Variants in DENND4A observed in about 807,000 individuals in gnomAD.
DENND4A encodes DENN domain containing 4A.
Under a neutral mutation model 199.3 loss-of-function variants are expected in DENND4A, and 70 were observed. The observed-to-expected ratio is 0.35, with a 90% confidence interval of 0.29 to 0.43. The LOEUF (loss-of-function observed/expected upper bound fraction) is 0.43. Among genes scored for constraint, DENND4A ranks in the 20% least tolerant of loss-of-function variants. DENND4A has a pLI of 1.00. For missense variants in DENND4A, 1,723 were observed against 2,255.8 expected (o/e 0.76, Z 4.78); for synonymous variants, 686 against 766.9 (o/e 0.89, Z 1.74).
At chr15:65,685,277 G>C (rs8032745) in intron 23 of DENND4A, among the ~76,000 whole-genome samples, 87,003 of 151,948 alleles carry the variant, frequency 0.57, 27,872 homozygotes, top group African/African-American at 0.87. Flanking sequence ...CAGGCGCCTG[G>C]CACCGTGCCC....
At chr15:65,781,453 C>T (rs2077434658) in intron 1 of DENND4A, among the ~76,000 whole-genome samples, 1 of 152,088 alleles carries the variant, frequency 6.6e-6, no homozygotes. Context: ...CCTAATAACG[C>T]AGAAGTTGGA....
intron 23 of DENND4A, among the ~76,000 whole-genome samples, chr15:65,688,052 T>C (rs1411410163): frequency 2.0e-5 from 3 of 152,196 alleles, no homozygotes; most frequent in South Asian, 2.1e-4. Context: ...CCTTTTGATA[T>C]TGTCACACAA....
intron 14 of DENND4A, among the ~76,000 whole-genome samples, chr15:65,711,634 A>G (rs937874688): frequency 6.6e-6 from 1 of 152,238 alleles, no homozygotes; most frequent in Non-Finnish European, 1.5e-5. Context: ...CCCCAAAACA[A>G]TCTACTTTCT....
chr15:65,664,416 GA>G (rs1203808052), intron 31 of DENND4A, 22 bp from the exon 32 acceptor site: 2 of 1,559,078 alleles, frequency 1.3e-6, no homozygotes, highest in East Asian at 4.5e-5. Flanking sequence ...AAGTCATGGA[GA>G]AAATATTAGT....
At chr15:65,785,137 A>AC (rs1252621494) in intron 1 of DENND4A, among the ~76,000 whole-genome samples, 1 of 151,884 alleles carries the variant, frequency 6.6e-6, no homozygotes, top group Non-Finnish European at 1.5e-5. Flanking sequence ...AAAAAAAAAA[A>AC]ATCCACATGG....
intron 7 of DENND4A, among the ~76,000 whole-genome samples, chr15:65,734,508 G>A (rs538653012): frequency 2.8e-4 from 43 of 152,110 alleles, no homozygotes; most frequent in East Asian, 1.9e-4. Flanking sequence ...CTGGTTCCCC[G>A]GGTCCCCTTA....
chr15:65,788,610 C>T (rs1030662465), intron 1 of DENND4A, among the ~76,000 whole-genome samples: 6 of 151,948 alleles, frequency 3.9e-5, no homozygotes, highest in Non-Finnish European at 5.9e-5. Context: ...GTAATCACAG[C>T]ACTTTGGGAG....
chr15:65,677,220 AT>A (rs1292980972), intron 23 of DENND4A, among the ~76,000 whole-genome samples: 1 of 151,540 alleles, frequency 6.6e-6, no homozygotes, highest in Non-Finnish European at 1.5e-5. Context: ...TAGGGCAAAA[AT>A]TTTTTTTTGA....
chr15:65,756,785 C>T (rs749294837), intron 2 of DENND4A, among the ~76,000 whole-genome samples: 7 of 152,186 alleles, frequency 4.6e-5, no homozygotes, highest in Non-Finnish European at 7.4e-5. Flanking sequence ...CCTGTAATCC[C>T]AGCACTTTGG....
At chr15:65,749,660 A>G (rs1231946436) in intron 4 of DENND4A, among the ~76,000 whole-genome samples, 1 of 151,836 alleles carries the variant, frequency 6.6e-6, no homozygotes, top group Admixed American at 6.6e-5. Context: ...ATATTACAAT[A>G]TTATCAACCT....
At chr15:65,665,599 T>TA in intron 29 of DENND4A, 137 bp from the exon 30 acceptor site, 1 of 577,064 alleles carries the variant, frequency 1.7e-6, no homozygotes, top group Non-Finnish European at 2.8e-6. Context: ...CTGATTTATC[T>TA]ACATTTGATA....
In DENND4A at chr15:65,676,145, T is replaced by A. The variant is rs201606832; in HGVS notation, c.4369+300A>T. Among the ~76,000 whole-genome samples the A allele has an allele frequency of 5.5e-3, 726 of 131,974 alleles. 9 individuals are homozygous for A. Among genetic ancestry groups the A allele is most frequent in the African/African-American group, 9.4e-3 (350 of 37,254 alleles). The allele number at this position is 131,974 out of a possible 152,430, so 86.6% of individuals were successfully genotyped here. ...GACAGGGAAGTAATAAGGAAAAATA[T>A]ATATATATATATATATATATACCTA... On this transcript the variant is annotated intron_variant, in intron 24 of 32. Transcript: ENST00000443035.
intron 4 of DENND4A, among the ~76,000 whole-genome samples, chr15:65,750,247 C>A (rs886077076): frequency 2.6e-5 from 4 of 152,104 alleles, no homozygotes; most frequent in African/African-American, 9.7e-5. Flanking sequence ...AAACTAAATA[C>A]TGCATTTTCT....
At chr15:65,707,859 T>A (rs895671161) in intron 14 of DENND4A, among the ~76,000 whole-genome samples, 1 of 151,946 alleles carries the variant, frequency 6.6e-6, no homozygotes, top group African/African-American at 2.4e-5. Flanking sequence ...CTAATTTTTA[T>A]ATTTTTAGTA....
chr15:65,718,148 C>T (rs1218638273), intron 12 of DENND4A, among the ~76,000 whole-genome samples, 152 bp from the exon 13 acceptor site: 1 of 152,060 alleles, frequency 6.6e-6, no homozygotes, highest in African/African-American at 2.4e-5. Flanking sequence ...GCAAAGCTTG[C>T]CATAGCATTT....
chr15:65,752,746 A>T, intron 3 of DENND4A, 118 bp from the exon 4 acceptor site: 2 of 676,346 alleles, frequency 3.0e-6, no homozygotes, highest in Middle Eastern at 4.2e-4. Flanking sequence ...TTCCAATCTT[A>T]CTGCAATTTT....
chr15:65,706,327 A>T, intron 14 of DENND4A, 103 bp from the exon 15 acceptor site: 1 of 1,134,768 alleles, frequency 8.8e-7, no homozygotes, highest in Non-Finnish European at 1.2e-6. Context: ...ATGGATACTA[A>T]ACAGCTATTA....
chr15:65,685,106 C>T (rs1213299782), intron 23 of DENND4A, among the ~76,000 whole-genome samples: 1 of 151,732 alleles, frequency 6.6e-6, no homozygotes, highest in Non-Finnish European at 1.5e-5. Flanking sequence ...AGATTACAGG[C>T]ATGAGCCACC....
At chr15:65,676,732 C>A in intron 23 of DENND4A, 98 bp from the exon 24 acceptor site, 3 of 903,092 alleles carry the variant, frequency 3.3e-6, no homozygotes, top group South Asian at 4.4e-5. Context: ...ACCTAACTAC[C>A]CAGATGATCA....
Sources: allele counts gnomAD v4.1 joint callset (sites outside exome capture counted in the v4.1 genomes callset), GRCh38; gene constraint gnomAD v4.1.1; transcripts MANE v1.5; gene names NCBI Gene and HGNC (gene_info 2026-07-23, HGNC 2026-07-21).